APOOL: variants seen among roughly 807,000 people sequenced by gnomAD.
The protein encoded by APOOL is MICOS complex subunit MIC27.
Under a neutral mutation model 23.1 loss-of-function variants are expected in APOOL, and 12 were observed. That is an observed-to-expected ratio of 0.52 (90% confidence interval 0.33 to 0.84). The LOEUF is 0.84. Among genes scored for constraint, APOOL ranks in the 40% least tolerant of loss-of-function variants. The probability of loss-of-function intolerance (pLI) is 0.02; values close to 1 mark genes in which losing one functional copy is unlikely to be tolerated. For missense variants in APOOL, 212 were observed against 199.6 expected (o/e 1.06, Z -0.37); for synonymous variants, 77 against 69.9 (o/e 1.10, Z -0.51).
At chrX:85,069,927 A>G (rs1025742148) in intron 6 of APOOL, among the ~76,000 whole-genome samples, 1 of 111,669 alleles carries the variant, frequency 9.0e-6, no homozygotes, top group African/African-American at 3.2e-5. Flanking sequence ...CGAAGCATTT[A>G]ACTTAATTTT....
intron 2 of APOOL, among the ~76,000 whole-genome samples, chrX:85,046,875 T>C (rs1207693473): frequency 9.0e-6 from 1 of 111,490 alleles, no homozygotes; most frequent in African/African-American, 3.2e-5. Flanking sequence ...GAAACTTCAG[T>C]TTAACAAATT....
chrX:85,072,567 C>T (rs1655073499), intron 6 of APOOL, among the ~76,000 whole-genome samples: 1 of 110,678 alleles, frequency 9.0e-6, no homozygotes, highest in South Asian at 3.9e-4. Context: ...TTATACTTGC[C>T]ATCTCCCTAC....
rs1304065633 is a variant in APOOL at position 85,090,579 on chromosome X, C to T, written c.*2901C>T. The T allele has an allele frequency of 9.0e-6, 1 of 111,408 alleles. No homozygotes were observed. The highest frequency in any genetic ancestry group is 1.9e-5 in the Non-Finnish European group (1 of 53,082). 9.2% of individuals were successfully genotyped at this position (111,408 alleles called of 1,213,427 possible). The stretch of plus-strand genomic sequence containing the variant: ...TCTGATTCCAGCTTACCTTCTAATC[C>T]TATCTTCCCTCTCCTTACCCACCCT... On this transcript the variant is annotated 3_prime_UTR_variant, in exon 9 of 9. Transcript: ENST00000373173.
chrX:85,034,847 A>G (rs1408664859), intron 1 of APOOL, among the ~76,000 whole-genome samples: 2 of 111,725 alleles, frequency 1.8e-5, no homozygotes, highest in Non-Finnish European at 3.8e-5. Context: ...CTCATTTTCT[A>G]TATTCAGTAC....
intron 1 of APOOL, among the ~76,000 whole-genome samples, chrX:85,032,241 G>A (rs1053705717): frequency 6.2e-5 from 7 of 112,427 alleles, no homozygotes; most frequent in East Asian, 2.8e-4. Flanking sequence ...GTGGCTGGGC[G>A]CGGTGGCTCA....
At chrX:85,004,846 C>T (rs2147467587) in intron 1 of APOOL, among the ~76,000 whole-genome samples, 1 of 111,484 alleles carries the variant, frequency 9.0e-6, no homozygotes, top group South Asian at 3.8e-4. Flanking sequence ...ATCATCTCCC[C>T]TCTGGGGTCA....
chrX:85,037,031 G>C (rs1922240510), intron 1 of APOOL, among the ~76,000 whole-genome samples: 1 of 111,907 alleles, frequency 8.9e-6, no homozygotes, highest in Non-Finnish European at 1.9e-5. Context: ...AGTTGCTGCA[G>C]AGGCCATTAT....
chrX:85,059,790 A>T (rs1383440265), intron 5 of APOOL, among the ~76,000 whole-genome samples: 1 of 111,132 alleles, frequency 9.0e-6, no homozygotes, highest in Non-Finnish European at 1.9e-5. Context: ...CCTTTGTCAG[A>T]TGAGTAGGTT....
At chrX:85,076,995 TTATATA>T (rs752255967) in intron 8 of APOOL, among the ~76,000 whole-genome samples, 19 of 82,498 alleles carry the variant, frequency 2.3e-4, no homozygotes, top group African/African-American at 9.9e-4. Flanking sequence ...TTTGCTAAAC[TTATATA>T]TATATATATA....
At chrX:85,058,707 C>T (rs919291412) in intron 5 of APOOL, among the ~76,000 whole-genome samples, 2 of 111,041 alleles carry the variant, frequency 1.8e-5, no homozygotes, top group African/African-American at 3.3e-5. Context: ...TAAAAGTGTT[C>T]GTTTCTCTCC....
At chrX:85,071,023 GGATAAC>G (rs1380306570) in intron 6 of APOOL, among the ~76,000 whole-genome samples, 1 of 111,465 alleles carries the variant, frequency 9.0e-6, no homozygotes, top group Non-Finnish European at 1.9e-5. Flanking sequence ...GCAATGGCAT[GGATAAC>G]CCAGAGGACA....
chrX:85,055,610 T>A (rs746274659), intron 4 of APOOL, among the ~76,000 whole-genome samples: 1 of 111,768 alleles, frequency 8.9e-6, no homozygotes, highest in African/African-American at 3.2e-5. Flanking sequence ...AAAAGAAATA[T>A]TAAATCAGCT....
intron 1 of APOOL, among the ~76,000 whole-genome samples, chrX:85,040,915 T>C (rs921909498): frequency 1.8e-5 from 2 of 112,102 alleles, no homozygotes; most frequent in Non-Finnish European, 3.8e-5. Context: ...TGAGTACCAT[T>C]GCTGTGGAGG....
intron 5 of APOOL, among the ~76,000 whole-genome samples, chrX:85,060,390 A>G (rs1923163056): frequency 9.3e-6 from 1 of 107,353 alleles, no homozygotes; most frequent in African/African-American, 3.4e-5. Flanking sequence ...TGAACTTTAA[A>G]GTAGTTTTTT....
chrX:85,077,558 C>A (rs1393050394), intron 8 of APOOL, among the ~76,000 whole-genome samples: 1 of 111,478 alleles, frequency 9.0e-6, no homozygotes, highest in African/African-American at 3.3e-5. Flanking sequence ...AATAGTGCCA[C>A]AATAAACATA....
chrX:85,011,200 T>G (rs757676168), intron 1 of APOOL, among the ~76,000 whole-genome samples: 2 of 111,919 alleles, frequency 1.8e-5, no homozygotes, highest in South Asian at 7.4e-4. Context: ...TTTGTTCTTT[T>G]CTTGATTTGT....
At chrX:85,067,092 T>G in intron 5 of APOOL, 35 bp from the exon 6 acceptor site, 1 of 900,343 alleles carries the variant, frequency 1.1e-6, no homozygotes, top group Non-Finnish European at 1.6e-6. Context: ...TGGTGGTATA[T>G]ATTTGGAGTT....
chrX:85,046,004 T>C (rs1357671302), intron 1 of APOOL, among the ~76,000 whole-genome samples: 1 of 111,113 alleles, frequency 9.0e-6, no homozygotes, highest in Non-Finnish European at 1.9e-5. Flanking sequence ...TCTACTGGAA[T>C]GTCATTTGTA....
chrX:85,031,447 A>T (rs1403449935), intron 1 of APOOL, among the ~76,000 whole-genome samples: 3 of 111,823 alleles, frequency 2.7e-5, no homozygotes, highest in African/African-American at 9.8e-5. Context: ...ATATATTTCA[A>T]AAAGATAAAT....
Sources: allele counts gnomAD v4.1 joint callset (sites outside exome capture counted in the v4.1 genomes callset), GRCh38; gene constraint gnomAD v4.1.1; transcripts MANE v1.5; gene names NCBI Gene and HGNC (gene_info 2026-07-23, HGNC 2026-07-21).